RBFOX1: variants seen among roughly 807,000 people sequenced by gnomAD.
RBFOX1 encodes RNA binding protein fox-1 homolog 1.
Under a neutral mutation model 57.7 loss-of-function variants are expected in RBFOX1, and 8 were observed. The observed-to-expected ratio is 0.14, with a 90% confidence interval of 0.08 to 0.25. RBFOX1 has a LOEUF of 0.25. Among genes scored for constraint, RBFOX1 ranks in the 10% least tolerant of loss-of-function variants. RBFOX1 has a pLI of 1.00. For missense variants in RBFOX1, 611 were observed against 548.5 expected, an observed-to-expected ratio of 1.11 and a Z score of -1.14; for synonymous variants, 326 against 222.4, an observed-to-expected ratio of 1.47 and a Z score of -4.15.
intron 14 of RBFOX1, among the ~76,000 whole-genome samples, chr16:7,703,714 T>C (rs2081501269): frequency 6.6e-6 from 1 of 152,192 alleles, no homozygotes; most frequent in Non-Finnish European, 1.5e-5. Flanking sequence ...TAAAGCACTT[T>C]AACAAACACG....
At chr16:5,824,549 A>C (rs2055969786) in intron 3 of RBFOX1, among the ~76,000 whole-genome samples, 1 of 152,222 alleles carries the variant, frequency 6.6e-6, no homozygotes, top group African/African-American at 2.4e-5. Flanking sequence ...GGGGTGATTG[A>C]CACATGCAAT....
At chr16:7,630,797 T>A in intron 11 of RBFOX1, 114 bp downstream of exon 11, 1 of 1,498,150 alleles carries the variant, frequency 6.7e-7, no homozygotes, top group East Asian at 2.4e-5. Context: ...CTTGTGGCTC[T>A]CTCTGAGGTG....
At chr16:7,089,055 C>G (rs780701827) in intron 4 of RBFOX1, among the ~76,000 whole-genome samples, 1 of 152,152 alleles carries the variant, frequency 6.6e-6, no homozygotes, top group African/African-American at 2.4e-5. Context: ...TGCCTTGCCC[C>G]TCAGTGAGCC....
At chr16:7,245,396 G>GCACAT (rs1468390848) in intron 4 of RBFOX1, among the ~76,000 whole-genome samples, 1 of 152,010 alleles carries the variant, frequency 6.6e-6, no homozygotes, top group Non-Finnish European at 1.5e-5. Context: ...CATGTGCCAT[G>GCACAT]GTTGTTTGCT....
At chr16:6,898,914 CAT>C (rs1423254304) in intron 3 of RBFOX1, among the ~76,000 whole-genome samples, 5 of 149,528 alleles carry the variant, frequency 3.3e-5, no homozygotes, top group Admixed American at 6.7e-5. Context: ...TGTGTTTGTG[CAT>C]ATGTGTATAT....
intron 1 of RBFOX1, among the ~76,000 whole-genome samples, chr16:6,232,675 A>C (rs1191155287): frequency 6.6e-6 from 1 of 152,284 alleles, no homozygotes; most frequent in South Asian, 2.1e-4. Flanking sequence ...CTTAGGTTCA[A>C]ACCTATTTAA....
At chr16:6,039,319 G>T (rs1412424967) in intron 1 of RBFOX1, among the ~76,000 whole-genome samples, 1 of 144,002 alleles carries the variant, frequency 6.9e-6, no homozygotes, top group Admixed American at 7.1e-5. Context: ...AAAAATCTGA[G>T]GATAAGCTGT....
intron 1 of RBFOX1, among the ~76,000 whole-genome samples, chr16:5,398,138 G>C (rs1250516376): frequency 6.6e-6 from 1 of 152,158 alleles, no homozygotes; most frequent in Non-Finnish European, 1.5e-5. Context: ...TTTCCTGAGG[G>C]GACACCTAAG....
chr16:7,647,404 G>C (rs762415815), intron 11 of RBFOX1, among the ~76,000 whole-genome samples: 1 of 152,168 alleles, frequency 6.6e-6, no homozygotes, highest in African/African-American at 2.4e-5. Flanking sequence ...AATCTCTTCA[G>C]TATAATGAAC....
At chr16:5,351,491 A>T (rs1596617867) in intron 1 of RBFOX1, among the ~76,000 whole-genome samples, 1 of 152,212 alleles carries the variant, frequency 6.6e-6, no homozygotes, top group African/African-American at 2.4e-5. Flanking sequence ...ACTGATGCCT[A>T]TTGATGGGTC....
intron 1 of RBFOX1, among the ~76,000 whole-genome samples, chr16:6,108,743 T>C (rs1203385467): frequency 6.6e-6 from 1 of 152,114 alleles, no homozygotes; most frequent in Non-Finnish European, 1.5e-5. Context: ...TCTTCTAGCT[T>C]CTGGTGGGTG....
chr16:7,671,660 C>T (rs2071481844), intron 13 of RBFOX1: 7 of 1,441,364 alleles, frequency 4.9e-6, no homozygotes, highest in Non-Finnish European at 9.8e-7. Context: ...CTGTGAAATC[C>T]TTACTAACAA....
chr16:6,010,841 A>T (rs1240929696), intron 4 of RBFOX1, among the ~76,000 whole-genome samples: 1 of 152,098 alleles, frequency 6.6e-6, no homozygotes, highest in Non-Finnish European at 1.5e-5. Context: ...ATTCCCAGGG[A>T]TTGTGATTTT....
At chr16:5,294,429 C>G (rs920408451) in intron 1 of RBFOX1, among the ~76,000 whole-genome samples, 10 of 152,108 alleles carry the variant, frequency 6.6e-5, no homozygotes, top group Admixed American at 2.6e-4. Flanking sequence ...TACTTGTGTC[C>G]TTTTCTAGCC....
At chr16:5,921,062 C>T (rs2058810800) in intron 4 of RBFOX1, among the ~76,000 whole-genome samples, 2 of 152,182 alleles carry the variant, frequency 1.3e-5, no homozygotes, top group African/African-American at 4.8e-5. Flanking sequence ...TGGTGGGAAT[C>T]TAACTTAGCC....
At position 5,454,965 on chromosome 16, in the gene RBFOX1, TTC is replaced by T. The variant is rs1487145396; in HGVS notation, c.220-12249_220-12248del. 3.3e-3 allele frequency among the ~76,000 whole-genome samples: 208 copies of T among 63,870 alleles called. 3 individuals carry two copies. Among genetic ancestry groups the T allele is most frequent in the Non-Finnish European group, 5.7e-3 (173 of 30,262 alleles). 41.9% of individuals were successfully genotyped at this position (63,870 alleles called of 152,430 possible). A position where few individuals can be genotyped will look rare whatever the true frequency, so the allele number is the denominator to read the frequency against. On this transcript the variant is annotated intron_variant, in intron 1 of 2. Transcript: ENST00000585867. The stretch of plus-strand genomic sequence containing the variant: ...TTCCTTCCTTCCTTCCTTCCTTTCT[TTC>T]TTTCTTTCTTTCTTTCTTTCTTTCT...
Position 5,978,734 on chromosome 16 carries a change from G to A in RBFOX1, c.351+111399G>A, listed in dbSNP as rs184166228. On this transcript the variant is annotated intron_variant, in intron 4 of 19. Transcript: ENST00000641259. ...ATGATGACAGTGTTGAGGGGTACCA[G>A]TCCGGCGTCCTGTACATCCAGTCTG... is the stretch of plus-strand genomic sequence containing the variant. 4.0e-5 allele frequency among the ~76,000 whole-genome samples: 6 copies of A among 151,296 alleles called. No homozygotes were observed. The East Asian group carries it at 1.2e-3, about 30-fold the overall frequency.
chr16:6,535,193 T>C lies in RBFOX1; in HGVS notation c.-63-119410T>C, dbSNP rs191289547. Among the ~76,000 whole-genome samples the C allele has an allele frequency of 3.3e-5, 5 of 152,282 alleles. No individual in the cohort carries two copies. The South Asian group carries it at 6.2e-4, about 19-fold the overall frequency. On this transcript the variant is annotated intron_variant, in intron 2 of 15. Coordinates refer to ENST00000550418, the MANE Select transcript of RBFOX1 (RefSeq NM_018723.4). ...TTCTGTGTGAGCACTCAAAGTCTCA[T>C]GTCCTGGGAAAATCCTCTGTTCTAA...
intron 3 of RBFOX1, among the ~76,000 whole-genome samples, chr16:7,036,994 C>T (rs1194497723): frequency 6.6e-6 from 1 of 152,198 alleles, no homozygotes; most frequent in African/African-American, 2.4e-5. Context: ...CCTGACGTTG[C>T]CATGGCATTT....
Sources: allele counts gnomAD v4.1 joint callset (sites outside exome capture counted in the v4.1 genomes callset), GRCh38; gene constraint gnomAD v4.1.1; transcripts MANE v1.5; gene names NCBI Gene and HGNC (gene_info 2026-07-23, HGNC 2026-07-21).